The following TRAF3IP2 variants were observed in gnomAD, a reference collection of about 807,000 sequenced individuals.
TRAF3IP2 encodes TRAF3 interacting protein 2.
TRAF3IP2 carries 35 observed loss-of-function variants against 57.9 expected under a neutral mutation model. The ratio of observed to expected loss-of-function variants is 0.60; its 90% CI spans 0.46 to 0.80. The LOEUF (loss-of-function observed/expected upper bound fraction) is 0.80. TRAF3IP2 is among the 30% of genes least tolerant of loss of function. The pLI, the probability that TRAF3IP2 is intolerant of heterozygous loss-of-function variation, is 0.00. For missense variants in TRAF3IP2, 556 were observed against 706.4 expected (o/e 0.79, Z 2.41); for synonymous variants, 251 against 268.9 (o/e 0.93, Z 0.65).
At chr6:111,585,071 G>A (rs936159501) in intron 2 of TRAF3IP2, among the ~76,000 whole-genome samples, 3 of 151,986 alleles carry the variant, frequency 2.0e-5, no homozygotes, top group Non-Finnish European at 2.9e-5. Flanking sequence ...CATCCTTTAG[G>A]TTTCAGCTCA....
At chr6:111,573,059 A>G (rs993576759) in intron 4 of TRAF3IP2, 76 bp from the exon 5 acceptor site, 2 of 1,160,826 alleles carry the variant, frequency 1.7e-6, no homozygotes, top group Non-Finnish European at 2.5e-6. Flanking sequence ...ATTATATGCA[A>G]TATCTTTTGT....
intron 8 of TRAF3IP2, among the ~76,000 whole-genome samples, chr6:111,561,572 A>G (rs142735701): frequency 1.3e-5 from 2 of 152,260 alleles, no homozygotes; most frequent in East Asian, 3.9e-4. Flanking sequence ...AAAGGCACAG[A>G]GACAAAAGAA....
At chr6:111,577,636 G>A (rs761624040) in intron 3 of TRAF3IP2, among the ~76,000 whole-genome samples, 1 of 151,982 alleles carries the variant, frequency 6.6e-6, no homozygotes, top group Non-Finnish European at 1.5e-5. Context: ...GCCTCCCAAA[G>A]TGCTGGGATT....
At chr6:111,562,869 GA>G in intron 8 of TRAF3IP2, 95 bp downstream of exon 8, 1 of 936,636 alleles carries the variant, frequency 1.1e-6, no homozygotes, top group Non-Finnish European at 1.6e-6. Flanking sequence ...AGAAAAGAAA[GA>G]AAAAAAGAAT....
chr6:111,571,907 T>G (rs1795843717), intron 5 of TRAF3IP2, among the ~76,000 whole-genome samples: 1 of 147,710 alleles, frequency 6.8e-6, no homozygotes, highest in Non-Finnish European at 1.5e-5. Flanking sequence ...AGTTCTAGAC[T>G]CTGTCTCAAA....
chr6:111,560,756 G>T (rs1192721536), intron 8 of TRAF3IP2, among the ~76,000 whole-genome samples: 1 of 152,182 alleles, frequency 6.6e-6, no homozygotes, highest in Admixed American at 6.5e-5. Flanking sequence ...GGTCTATTTT[G>T]TATATCGCCA....
At chr6:111,580,431 T>G in intron 2 of TRAF3IP2, 42 bp from the exon 3 acceptor site, 129 of 1,494,960 alleles carry the variant, frequency 8.6e-5, no homozygotes, top group Middle Eastern at 2.5e-4. Context: ...ACATCAACTC[T>G]AGCTCCTTCG....
At chr6:111,593,736 C>A (rs572938154) in intron 1 of TRAF3IP2, among the ~76,000 whole-genome samples, 2 of 152,098 alleles carry the variant, frequency 1.3e-5, no homozygotes, top group Non-Finnish European at 2.9e-5. Context: ...ATTGGCTCTG[C>A]AGAAAAGGAG....
intron 1 of TRAF3IP2, among the ~76,000 whole-genome samples, chr6:111,598,909 G>T (rs1373076271): frequency 6.6e-6 from 1 of 151,702 alleles, no homozygotes; most frequent in South Asian, 2.1e-4. Flanking sequence ...CAGAGGGTGA[G>T]AACATGTGCC....
intron 8 of TRAF3IP2, 36 bp from the exon 9 acceptor site, chr6:111,559,587 A>G (rs1418277318): frequency 6.2e-7 from 1 of 1,604,100 alleles, no homozygotes; most frequent in African/African-American, 1.3e-5. Flanking sequence ...AAAGGTCATT[A>G]GAGAAAAACC....
rs1795507912 is a variant in TRAF3IP2, at chr6:111,563,138, T to G, written c.1477-99A>C. The stretch of plus-strand genomic sequence containing the variant: ...CGTCCACATGGCATTTTTATTCTGA[T>G]TTCCATACTTGAGTGCCACACACTT... On this transcript the variant is annotated intron_variant, in intron 7 of 8. Coordinates refer to ENST00000368761, the MANE Select transcript of TRAF3IP2 (RefSeq NM_147686.4). 3 of 842,660 alleles carry G rather than the reference T, an allele frequency of 3.6e-6. No homozygotes were observed. In the South Asian group the frequency reaches 4.5e-5, roughly 13 times the overall value. The allele number at this position is 842,660 out of a possible 1,614,324, so 52.2% of individuals were successfully genotyped here.
rs111795647 is a variant in TRAF3IP2 at position 111,566,840 on chromosome 6, C to G, written c.1360-280G>C. Among the ~76,000 whole-genome samples the G allele has an allele frequency of 3.9e-5, 6 of 152,186 alleles. 1 individual carries two copies. The highest frequency in any genetic ancestry group is 3.4e-3 in the Middle Eastern group (1 of 294). On this transcript the variant is annotated intron_variant, in intron 6 of 8. Coordinates refer to ENST00000368761, the MANE Select transcript of TRAF3IP2 (RefSeq NM_147686.4). Reference sequence around the variant, plus strand: ...CACTAATAAACCTCTAATGAAAGCCCGAATCACTGAGTGAGTCTGTGTCGT... The same window carrying G: ...CACTAATAAACCTCTAATGAAAGCCGGAATCACTGAGTGAGTCTGTGTCGT...
chr6:111,597,918 G>T, intron 1 of TRAF3IP2: 1 of 455,936 alleles, frequency 2.2e-6, no homozygotes, highest in Non-Finnish European at 4.4e-6. Context: ...CTGGATTGAA[G>T]TGGAAAAGCC....
chr6:111,587,542 A>G (rs1003891687), intron 2 of TRAF3IP2, among the ~76,000 whole-genome samples: 1 of 152,168 alleles, frequency 6.6e-6, no homozygotes, highest in Non-Finnish European at 1.5e-5. Context: ...GGTGTGAGCC[A>G]CTGCACCCGG....
chr6:111,598,663 G>A (rs1358687574), intron 1 of TRAF3IP2, among the ~76,000 whole-genome samples: 1 of 152,198 alleles, frequency 6.6e-6, no homozygotes, highest in Non-Finnish European at 1.5e-5. Flanking sequence ...CCTCTGGGAA[G>A]GGAATTGGAT....
At chr6:111,580,021 G>A (rs1441521716) in intron 3 of TRAF3IP2, among the ~76,000 whole-genome samples, 176 bp downstream of exon 3, 1 of 152,134 alleles carries the variant, frequency 6.6e-6, no homozygotes, top group Non-Finnish European at 1.5e-5. Context: ...AGAGATCCTT[G>A]TCAACCAGCT....
intron 2 of TRAF3IP2, among the ~76,000 whole-genome samples, chr6:111,581,244 G>C (rs1044317936): frequency 6.6e-6 from 1 of 152,238 alleles, no homozygotes; most frequent in Non-Finnish European, 1.5e-5. Flanking sequence ...GGGTGAGAGG[G>C]AAGGGCTCTG....
chr6:111,601,362 A>G (rs1420964801), intron 1 of TRAF3IP2: 2 of 525,688 alleles, frequency 3.8e-6, no homozygotes, highest in Admixed American at 3.3e-5. Context: ...TTAAATTTTA[A>G]TCATTAACTG....
chr6:111,571,369 C>T (rs917176255), intron 5 of TRAF3IP2, among the ~76,000 whole-genome samples: 6 of 152,090 alleles, frequency 3.9e-5, no homozygotes, highest in African/African-American at 9.7e-5. Flanking sequence ...TGAGCCACTG[C>T]GCCTGGCCAT....
Sources: gnomAD v4.1 joint callset for allele counts (sites outside exome capture counted in the v4.1 genomes callset) on GRCh38, gnomAD v4.1.1 for gene constraint, MANE v1.5 for transcripts, NCBI Gene and HGNC (gene_info 2026-07-23, HGNC 2026-07-21) for gene names.